ATP6V1C1: variants seen among roughly 807,000 people sequenced by gnomAD.
ATP6V1C1 encodes V-type proton ATPase subunit C 1.
ATP6V1C1 carries 45 observed loss-of-function variants against 53.9 expected under a neutral mutation model. That is an observed-to-expected ratio of 0.83 (90% CI 0.66 to 1.07). The LOEUF is 1.07. Among genes scored for constraint, ATP6V1C1 ranks in the 50% least tolerant of loss-of-function variants. ATP6V1C1 has a pLI of 0.00. For synonymous variants in ATP6V1C1, 153 were observed against 155.2 expected (o/e 0.99, Z 0.11); for missense variants, 315 against 440.3 (o/e 0.72, Z 2.55).
chr8:103,058,648 A>G (rs1243091578), intron 8 of ATP6V1C1, among the ~76,000 whole-genome samples: 4 of 152,234 alleles, frequency 2.6e-5, no homozygotes, highest in Admixed American at 2.0e-4. Flanking sequence ...TATTGTTGGG[A>G]GCAGTGAAGA....
chr8:103,022,375 G>A lies in ATP6V1C1; in HGVS notation c.-40+1150G>A, dbSNP rs566435356. Among the ~76,000 whole-genome samples the A allele has an allele frequency of 5.2e-4, 79 of 152,270 alleles. 1 individual carries two copies. In the Middle Eastern group the frequency reaches 0.01, roughly 20 times the overall value. Reference sequence around the variant, plus strand: ...AAGTGGGAAAGAAAGTTGGGAGTCAGGTAACGAGGACTTTTGAATGGTAGT... The same window carrying A: ...AAGTGGGAAAGAAAGTTGGGAGTCAAGTAACGAGGACTTTTGAATGGTAGT... On this transcript the variant is annotated intron_variant, in intron 1 of 12. Transcript: ENST00000518738.
At chr8:103,032,697 C>T (rs989335835) in intron 1 of ATP6V1C1, among the ~76,000 whole-genome samples, 7 of 152,192 alleles carry the variant, frequency 4.6e-5, no homozygotes, top group Non-Finnish European at 8.8e-5. Context: ...AGACTGGTTT[C>T]GAACTCCTGG....
intron 1 of ATP6V1C1, among the ~76,000 whole-genome samples, chr8:103,034,569 ATTTT>A (rs3837181): frequency 7.2e-6 from 1 of 139,422 alleles, no homozygotes; most frequent in Non-Finnish European, 1.6e-5. Context: ...TTCAAGGATA[ATTTT>A]TTTTTTTTTT....
chr8:103,034,623 C>G (rs1483337708), intron 1 of ATP6V1C1, among the ~76,000 whole-genome samples: 1 of 149,752 alleles, frequency 6.7e-6, no homozygotes, highest in Non-Finnish European at 1.5e-5. Context: ...GGCTAGGGTG[C>G]AGTGGCTCCA....
At chr8:103,023,494 G>C (rs980021305) in intron 1 of ATP6V1C1, among the ~76,000 whole-genome samples, 1 of 152,130 alleles carries the variant, frequency 6.6e-6, no homozygotes, top group African/African-American at 2.4e-5. Context: ...GATTCTATTT[G>C]TACCCTTCAC....
chr8:103,052,838 A>G lies in ATP6V1C1; in HGVS notation c.473+16A>G. On this transcript the variant is annotated intron_variant, in intron 6 of 12. Coordinates refer to ENST00000518738, the MANE Select transcript of ATP6V1C1 (RefSeq NM_001695.5). ...GAAAGAATGCGTAAGCAGATCAAGT[A>G]TATTTGAGTACTAAGAACTGGGGAA... The G allele has an allele frequency of 1.3e-6, 2 of 1,510,602 alleles. No individual in the cohort carries two copies. Among genetic ancestry groups the G allele is most frequent in the African/African-American group, 1.4e-5 (1 of 70,918 alleles). The allele number at this position is 1,510,602 out of a possible 1,614,324, so 93.6% of individuals were successfully genotyped here. A position where few individuals can be genotyped will look rare whatever the true frequency, so the allele number is the denominator to read the frequency against.
chr8:103,046,346 A>G (rs1817096343), intron 3 of ATP6V1C1, among the ~76,000 whole-genome samples: 1 of 152,124 alleles, frequency 6.6e-6, no homozygotes, highest in Non-Finnish European at 1.5e-5. Flanking sequence ...AGCTAGGACT[A>G]TAGGCTTGCA....
At chr8:103,043,930 C>T (rs904345255) in intron 3 of ATP6V1C1, among the ~76,000 whole-genome samples, 2 of 152,090 alleles carry the variant, frequency 1.3e-5, no homozygotes, top group African/African-American at 4.8e-5. Context: ...GCTCTGTTGC[C>T]CAGGCTGGAA....
chr8:103,060,488 A>T (rs1283062801), intron 8 of ATP6V1C1, among the ~76,000 whole-genome samples: 4 of 152,202 alleles, frequency 2.6e-5, no homozygotes, highest in African/African-American at 4.8e-5. Flanking sequence ...CAGCACTTAC[A>T]ACTCTATATT....
rs1817557111 is a variant in ATP6V1C1 at position 103,069,961 on chromosome 8, A to G, written c.*1214A>G. On this transcript the variant is annotated 3_prime_UTR_variant, in exon 13 of 13. Transcript: ENST00000518738. ...TGAGAGACCCCCTCCCTCAATTTCC[A>G]CCTCCCAAGGGAAGTTTATGTATTT... The G allele has an allele frequency of 1.3e-5, 2 of 152,050 alleles. No homozygotes were observed. Among genetic ancestry groups the G allele is most frequent in the African/African-American group, 4.8e-5 (2 of 41,386 alleles). The allele number at this position is 152,050 out of a possible 1,614,324, so 9.4% of individuals were successfully genotyped here.
rs753129269 is a variant in ATP6V1C1, at chr8:103,063,602, G to A, written c.828+374G>A. 6.6e-5 allele frequency among the ~76,000 whole-genome samples: 10 copies of A among 152,238 alleles called. No individual in the cohort carries two copies. The East Asian group carries it at 1.9e-3, about 29-fold the overall frequency. The stretch of plus-strand genomic sequence containing the variant: ...TGAAGGGTGATTTTAGTTAAGTAAC[G>A]AAGTTCTTTTCAGTAAGACTTTTCA... On this transcript the variant is annotated intron_variant, in intron 10 of 12. Transcript: ENST00000518738.
intron 3 of ATP6V1C1, among the ~76,000 whole-genome samples, chr8:103,045,782 A>G (rs1817085244): frequency 6.6e-6 from 1 of 152,160 alleles, no homozygotes. Context: ...TCTACTAAAA[A>G]TACAAAAAAT....
At chr8:103,046,878 C>T (rs1470556675) in intron 3 of ATP6V1C1, among the ~76,000 whole-genome samples, 4 of 152,162 alleles carry the variant, frequency 2.6e-5, no homozygotes, top group African/African-American at 4.8e-5. Flanking sequence ...TGTAAATAGG[C>T]ATACGGAGAT....
In ATP6V1C1 at chr8:103,048,801, T is replaced by G; in HGVS notation, c.201-69T>G. 2.3e-6 allele frequency: 3 copies of G among 1,314,428 alleles called. No individual in the cohort carries two copies. In the South Asian group the frequency reaches 3.7e-5, roughly 16 times the overall value. The allele number at this position is 1,314,428 out of a possible 1,614,324, so 81.4% of individuals were successfully genotyped here. Reference sequence around the variant, plus strand: ...GTCAAATTCATGTCTTTATGTAATATGTTCATTGTATAGAATGGAATTTAG... The same window carrying G: ...GTCAAATTCATGTCTTTATGTAATAGGTTCATTGTATAGAATGGAATTTAG... On this transcript the variant is annotated intron_variant, in intron 3 of 12. Transcript: ENST00000518738.
In ATP6V1C1 at chr8:103,070,269, T is replaced by G. The variant is rs1817563911; in HGVS notation, c.*1522T>G. ...AGTTTTTGCTCTTAACAAACACTGC[T>G]GCAGTCAGCATCCTTGCACAGATTT... On this transcript the variant is annotated 3_prime_UTR_variant, in exon 13 of 13. Coordinates refer to ENST00000518738, the MANE Select transcript of ATP6V1C1 (RefSeq NM_001695.5). 6.6e-6 allele frequency: 1 copy of G among 152,266 alleles called. No individual in the cohort carries two copies. Among genetic ancestry groups the G allele is most frequent in the South Asian group, 2.1e-4 (1 of 4,834 alleles). The allele number at this position is 152,266 out of a possible 1,614,324, so 9.4% of individuals were successfully genotyped here.
At position 103,068,629 on chromosome 8, in the gene ATP6V1C1, A is replaced by G. The variant is rs767327711; in HGVS notation, c.1054-23A>G. On this transcript the variant is annotated intron_variant, in intron 12 of 12. Coordinates refer to ENST00000518738, the MANE Select transcript of ATP6V1C1 (RefSeq NM_001695.5). Reference sequence around the variant, plus strand: ...TTGAGTTCTGTAAATACAAAATTGAATAATTGTCTGTTTTTTCCATAGGCT... The same window carrying G: ...TTGAGTTCTGTAAATACAAAATTGAGTAATTGTCTGTTTTTTCCATAGGCT... 27 of 1,532,110 alleles carry G rather than the reference A, an allele frequency of 1.8e-5. No homozygotes were observed. The Middle Eastern group carries it at 6.8e-4, about 39-fold the overall frequency. The allele number at this position is 1,532,110 out of a possible 1,614,324, so 94.9% of individuals were successfully genotyped here.
intron 3 of ATP6V1C1, among the ~76,000 whole-genome samples, chr8:103,046,501 T>G (rs1181434769): frequency 6.6e-6 from 1 of 152,186 alleles, no homozygotes; most frequent in East Asian, 1.9e-4. Flanking sequence ...CATGAGTCAC[T>G]GTGCCTAGCC....
At chr8:103,041,234 T>C (rs1187937272) in intron 2 of ATP6V1C1, among the ~76,000 whole-genome samples, 1 of 152,248 alleles carries the variant, frequency 6.6e-6, no homozygotes, top group African/African-American at 2.4e-5. Flanking sequence ...TTCACAAATA[T>C]GATTTTCAGA....
At position 103,063,121 on chromosome 8, in the gene ATP6V1C1, T is replaced by C. The variant is rs201731450; in HGVS notation, c.735-14T>C. The C allele has an allele frequency of 5.4e-4, 863 of 1,611,952 alleles. 3 individuals carry two copies. The Middle Eastern group carries it at 6.0e-3, about 11-fold the overall frequency. On this transcript the variant is annotated splice_polypyrimidine_tract_variant and intron_variant, in intron 9 of 12. Coordinates refer to ENST00000518738, the MANE Select transcript of ATP6V1C1 (RefSeq NM_001695.5). ...ACAATGTGAACAATTTTGTTTTTTTTCCCCCAAATTTAGATTCATTGTTCG... is the reference window on the plus strand; with the variant it reads ...ACAATGTGAACAATTTTGTTTTTTTCCCCCCAAATTTAGATTCATTGTTCG...
Sources: allele counts gnomAD v4.1 joint callset (sites outside exome capture counted in the v4.1 genomes callset), GRCh38; gene constraint gnomAD v4.1.1; transcripts MANE v1.5; gene names NCBI Gene and HGNC (gene_info 2026-07-23, HGNC 2026-07-21).